KCND2: variants seen among roughly 807,000 people sequenced by gnomAD.
The protein encoded by KCND2 is A-type voltage-gated potassium channel KCND2.
KCND2 carries 16 observed loss-of-function variants against 54.4 expected under a neutral mutation model. The ratio of observed to expected loss-of-function variants is 0.29; its 90% CI spans 0.20 to 0.45. The LOEUF is 0.45. KCND2 is among the 20% of genes least tolerant of loss of function. The probability of loss-of-function intolerance (pLI) is 1.00; values close to 1 mark genes in which losing one functional copy is unlikely to be tolerated. For synonymous variants in KCND2, 317 were observed against 310.7 expected, an observed-to-expected ratio of 1.02 and a Z score of -0.21; for missense variants, 486 against 824.2, an observed-to-expected ratio of 0.59 and a Z score of 5.02.
chr7:120,489,479 A>G (rs1181689181), intron 1 of KCND2, among the ~76,000 whole-genome samples: 1 of 152,202 alleles, frequency 6.6e-6, no homozygotes, highest in Non-Finnish European at 1.5e-5. Flanking sequence ...AAAAGTCATC[A>G]TAATATGCTC....
At chr7:120,472,136 G>A (rs1244833655) in intron 1 of KCND2, among the ~76,000 whole-genome samples, 4 of 151,328 alleles carry the variant, frequency 2.6e-5, no homozygotes, top group Admixed American at 1.3e-4. Flanking sequence ...ATTACCTGAG[G>A]ATATATAGTT....
At chr7:120,623,370 CT>C (rs1412026471) in intron 1 of KCND2, among the ~76,000 whole-genome samples, 1 of 152,164 alleles carries the variant, frequency 6.6e-6, no homozygotes, top group Non-Finnish European at 1.5e-5. Flanking sequence ...GTTTATACTT[CT>C]CTTATGACGC....
intron 1 of KCND2, among the ~76,000 whole-genome samples, chr7:120,520,474 A>T (rs1304665067): frequency 6.6e-6 from 1 of 152,170 alleles, no homozygotes; most frequent in Non-Finnish European, 1.5e-5. Flanking sequence ...AGAGAGATAA[A>T]GAGAGTCCTT....
intron 1 of KCND2, among the ~76,000 whole-genome samples, chr7:120,360,479 A>G (rs970285296): frequency 1.3e-5 from 2 of 152,086 alleles, no homozygotes; most frequent in Non-Finnish European, 2.9e-5. Flanking sequence ...CTTTGGAAAG[A>G]CTATCCATTT....
intron 1 of KCND2, among the ~76,000 whole-genome samples, chr7:120,335,374 A>G (rs895182481): frequency 6.0e-5 from 9 of 150,292 alleles, no homozygotes; most frequent in Non-Finnish European, 1.2e-4. Context: ...AAAAAAAAAA[A>G]AAGAAGGATA....
intron 1 of KCND2, among the ~76,000 whole-genome samples, chr7:120,659,235 C>CA (rs1791838487): frequency 6.6e-6 from 1 of 152,138 alleles, no homozygotes; most frequent in Non-Finnish European, 1.5e-5. Flanking sequence ...TTCACTTGTG[C>CA]AAAGTTATAT....
chr7:120,356,319 G>A (rs1800504583), intron 1 of KCND2, among the ~76,000 whole-genome samples: 1 of 152,102 alleles, frequency 6.6e-6, no homozygotes, highest in Non-Finnish European at 1.5e-5. Flanking sequence ...CCCTAGGTAT[G>A]CCTTTAACAT....
At chr7:120,310,631 A>G (rs185897783) in intron 1 of KCND2, among the ~76,000 whole-genome samples, 34 of 152,306 alleles carry the variant, frequency 2.2e-4, no homozygotes, top group African/African-American at 8.2e-4. Context: ...ATAGAAAGCT[A>G]TATAGACTGG....
chr7:120,274,180 T>G lies in KCND2; in HGVS notation c.-453T>G. On this transcript the variant is annotated 5_prime_UTR_variant, in exon 1 of 6. Coordinates refer to ENST00000331113, the MANE Select transcript of KCND2 (RefSeq NM_012281.3). The stretch of plus-strand genomic sequence containing the variant: ...TTTGAAAGAGTGAGAAGGGTAGGTG[T>G]AAGGGTTCCCTAATTCGTCGAAAGA... 1 of 189,686 alleles carries G rather than the reference T, an allele frequency of 5.3e-6. No individual in the cohort carries two copies. Among genetic ancestry groups the G allele is most frequent in the Non-Finnish European group, 1.1e-5 (1 of 90,128 alleles). 11.8% of individuals were successfully genotyped at this position (189,686 alleles called of 1,614,324 possible). A position where few individuals can be genotyped will look rare whatever the true frequency, so the allele number is the denominator to read the frequency against.
At chr7:120,706,057 A>T (rs1158515264) in intron 1 of KCND2, among the ~76,000 whole-genome samples, 1 of 152,088 alleles carries the variant, frequency 6.6e-6, no homozygotes, top group East Asian at 1.9e-4. Context: ...CATCTATTTC[A>T]TAGGGTTAGA....
chr7:120,479,026 A>G (rs1404821433), intron 1 of KCND2, among the ~76,000 whole-genome samples: 18 of 152,260 alleles, frequency 1.2e-4, no homozygotes, highest in Non-Finnish European at 5.9e-5. Flanking sequence ...TATTTTCTGC[A>G]CCTTTGCTGT....
intron 1 of KCND2, among the ~76,000 whole-genome samples, chr7:120,435,286 T>A (rs1280061388): frequency 6.6e-6 from 1 of 150,468 alleles, no homozygotes; most frequent in Non-Finnish European, 1.5e-5. Flanking sequence ...TTTTTTTTTT[T>A]TAATTTTTAG....
At chr7:120,401,569 G>A (rs1203080475) in intron 1 of KCND2, among the ~76,000 whole-genome samples, 2 of 152,074 alleles carry the variant, frequency 1.3e-5, no homozygotes, top group African/African-American at 4.8e-5. Context: ...GATTGACCAG[G>A]TATGGGAGCT....
At chr7:120,588,280 T>C (rs1359822266) in intron 1 of KCND2, among the ~76,000 whole-genome samples, 1 of 152,136 alleles carries the variant, frequency 6.6e-6, no homozygotes, top group African/African-American at 2.4e-5. Flanking sequence ...TAACTGATAT[T>C]TTGTAATCCT....
intron 1 of KCND2, among the ~76,000 whole-genome samples, chr7:120,473,395 C>G (rs150907248): frequency 6.6e-6 from 1 of 152,130 alleles, no homozygotes; most frequent in African/African-American, 2.4e-5. Context: ...GGTTTTGTGT[C>G]TCAGACTCTA....
chr7:120,373,510 A>C (rs1800793283), intron 1 of KCND2, among the ~76,000 whole-genome samples: 1 of 151,902 alleles, frequency 6.6e-6, no homozygotes, highest in African/African-American at 2.4e-5. Flanking sequence ...GAGAATAATA[A>C]TGAACTTAAT....
At chr7:120,455,860 A>G (rs1236028269) in intron 1 of KCND2, among the ~76,000 whole-genome samples, 2 of 152,136 alleles carry the variant, frequency 1.3e-5, no homozygotes, top group African/African-American at 2.4e-5. Flanking sequence ...CCTATTAAGT[A>G]CTATGCTTAT....
chr7:120,743,602 C>T (rs1343210269), intron 4 of KCND2, among the ~76,000 whole-genome samples: 1 of 152,090 alleles, frequency 6.6e-6, no homozygotes, highest in Non-Finnish European at 1.5e-5. Flanking sequence ...GGCAAGGCTT[C>T]CTGGAGGAAC....
intron 1 of KCND2, among the ~76,000 whole-genome samples, chr7:120,484,832 G>T (rs867129697): frequency 6.6e-6 from 1 of 151,960 alleles, no homozygotes; most frequent in African/African-American, 2.4e-5. Context: ...CTAAAAACTT[G>T]TTTGTTAATA....
Sources: gnomAD v4.1 joint callset for allele counts (sites outside exome capture counted in the v4.1 genomes callset) on GRCh38, gnomAD v4.1.1 for gene constraint, MANE v1.5 for transcripts, NCBI Gene and HGNC (gene_info 2026-07-23, HGNC 2026-07-21) for gene names.